The following DOK6 variants were observed in gnomAD, a reference collection of about 807,000 sequenced individuals.
DOK6 encodes the protein downstream of tyrosine kinase 6.
Under a neutral mutation model 44.0 loss-of-function variants are expected in DOK6, and 22 were observed. The observed-to-expected ratio is 0.50, with a 90% CI of 0.36 to 0.71. The LOEUF is 0.71. Ranked by LOEUF, DOK6 falls within the 30% of genes least tolerant of loss-of-function variation. The probability of loss-of-function intolerance (pLI) is 0.00; values close to 1 mark genes in which losing one functional copy is unlikely to be tolerated. For synonymous variants in DOK6, 166 were observed against 145.5 expected (o/e 1.14, Z -1.01); for missense variants, 340 against 416.4 (o/e 0.82, Z 1.60).
At chr18:69,546,225 C>T (rs1451774483) in intron 1 of DOK6, among the ~76,000 whole-genome samples, 1 of 148,436 alleles carries the variant, frequency 6.7e-6, no homozygotes, top group Non-Finnish European at 1.5e-5. Context: ...TGCGGTGACC[C>T]GAGATCTCAC....
intron 7 of DOK6, among the ~76,000 whole-genome samples, chr18:69,822,818 G>C (rs1981616228): frequency 6.6e-6 from 1 of 152,106 alleles, no homozygotes; most frequent in Non-Finnish European, 1.5e-5. Context: ...ACTTTAAATT[G>C]TTATACTTGT....
At chr18:69,612,893 G>C (rs7243834) in intron 3 of DOK6, among the ~76,000 whole-genome samples, 16 of 149,744 alleles carry the variant, frequency 1.1e-4, no homozygotes, top group Non-Finnish European at 2.1e-4. Flanking sequence ...CTTTTTTTTT[G>C]CCTTTTGAGA....
intron 3 of DOK6, among the ~76,000 whole-genome samples, chr18:69,612,594 GCTTTGTTCCCCCTCACGCTGCTTAGTGT>G (rs11276637): frequency 0.43 from 65,368 of 151,680 alleles, 14,222 homozygotes; most frequent in Middle Eastern, 0.57. Context: ...AGGTTCTCCT[GCTTTGTTCCCCCTCACGCTGCTTAGTGT>G]CTTTGCTCCC....
intron 6 of DOK6, among the ~76,000 whole-genome samples, chr18:69,753,584 G>A (rs1979255003): frequency 6.6e-6 from 1 of 152,156 alleles, no homozygotes; most frequent in Non-Finnish European, 1.5e-5. Context: ...ACTGACTGCT[G>A]TTTCAAAAGA....
At chr18:69,733,883 T>G (rs1203092980) in intron 5 of DOK6, among the ~76,000 whole-genome samples, 2 of 152,186 alleles carry the variant, frequency 1.3e-5, no homozygotes, top group South Asian at 4.1e-4. Context: ...TGTTGCTAGA[T>G]GAAACAAGAG....
intron 3 of DOK6, among the ~76,000 whole-genome samples, chr18:69,607,554 C>T (rs9973197): frequency 0.39 from 58,505 of 151,678 alleles, 11,230 homozygotes; most frequent in Middle Eastern, 0.54. Context: ...AAATATAAAC[C>T]TCTCCCATGT....
rs1484371239 is a variant in DOK6, at chr18:69,449,785, C to T, written c.66+48475C>T. 4.6e-5 allele frequency among the ~76,000 whole-genome samples: 7 copies of T among 151,540 alleles called. 1 individual carries two copies. The South Asian group carries it at 8.4e-4, about 18-fold the overall frequency. ...CCGAGCAGCCTAACTGGGAGGCACC[C>T]CCCAGCAGGGGCACACTGACACCTC... On this transcript the variant is annotated intron_variant, in intron 1 of 7. Coordinates refer to ENST00000382713, the MANE Select transcript of DOK6 (RefSeq NM_152721.6).
chr18:69,584,702 G>A (rs893978796), intron 2 of DOK6, among the ~76,000 whole-genome samples: 1 of 151,682 alleles, frequency 6.6e-6, no homozygotes, highest in African/African-American at 2.4e-5. Context: ...TCCCCTAAAT[G>A]TTTGGTAAAT....
At chr18:69,814,984 AT>A (rs1264750245) in intron 7 of DOK6, among the ~76,000 whole-genome samples, 1 of 151,886 alleles carries the variant, frequency 6.6e-6, no homozygotes, top group African/African-American at 2.4e-5. Context: ...CTTCTCTGAT[AT>A]TTTTTTTCTG....
rs561930883 is a variant in DOK6 at position 69,674,368 on chromosome 18, A to T, written c.290-3366A>T. Among the ~76,000 whole-genome samples, 8 of 152,292 alleles carry T rather than the reference A, an allele frequency of 5.3e-5. No homozygotes were observed. In the South Asian group the frequency reaches 1.7e-3, roughly 32 times the overall value. Reference sequence around the variant, plus strand: ...GATCTTATTGAGCCAAATACTAGAAAATCATGAAAAGAATGAACTGATACT... The same window carrying T: ...GATCTTATTGAGCCAAATACTAGAATATCATGAAAAGAATGAACTGATACT... On this transcript the variant is annotated intron_variant, in intron 3 of 7. Coordinates refer to ENST00000382713, the MANE Select transcript of DOK6 (RefSeq NM_152721.6).
At chr18:69,446,973 G>A (rs982490679) in intron 1 of DOK6, among the ~76,000 whole-genome samples, 1 of 152,138 alleles carries the variant, frequency 6.6e-6, no homozygotes, top group Non-Finnish European at 1.5e-5. Context: ...TGTCAGACGG[G>A]TAGATTGCAA....
chr18:69,447,260 G>T (rs140967564), intron 1 of DOK6, among the ~76,000 whole-genome samples: 13,555 of 152,050 alleles, frequency 0.089, 1,511 homozygotes, highest in East Asian at 0.31. Context: ...TCCAATTTCA[G>T]CTTTCTACAT....
At chr18:69,434,826 G>T (rs1194308359) in intron 1 of DOK6, among the ~76,000 whole-genome samples, 3 of 151,680 alleles carry the variant, frequency 2.0e-5, no homozygotes, top group African/African-American at 7.3e-5. Context: ...GGAGGCTGAG[G>T]CAGGAGAATC....
chr18:69,401,649 C>T (rs921444701), intron 1 of DOK6, among the ~76,000 whole-genome samples: 4 of 152,022 alleles, frequency 2.6e-5, no homozygotes, highest in Admixed American at 6.5e-5. Context: ...CCACGATGGT[C>T]TGTTCTCAAA....
chr18:69,743,756 C>T (rs371229147), intron 6 of DOK6, among the ~76,000 whole-genome samples: 1 of 149,562 alleles, frequency 6.7e-6, no homozygotes, highest in African/African-American at 2.5e-5. Flanking sequence ...AATCTTCTAA[C>T]ATTGCAAGTA....
In DOK6 at chr18:69,843,695, T is replaced by A. The variant is rs1381149580; in HGVS notation, c.*2312T>A. The A allele has an allele frequency of 6.6e-6, 1 of 152,208 alleles. No individual in the cohort carries two copies. The highest frequency in any genetic ancestry group is 2.4e-5 in the African/African-American group (1 of 41,448). The allele number at this position is 152,208 out of a possible 1,614,324, so 9.4% of individuals were successfully genotyped here. A position where few individuals can be genotyped will look rare whatever the true frequency, so the allele number is the denominator to read the frequency against. Reference sequence around the variant, plus strand: ...TGGTTCTGATCATTACCAATGAATATAACTGAAGGAGCACCAAAGATCAGG... The same window carrying A: ...TGGTTCTGATCATTACCAATGAATAAAACTGAAGGAGCACCAAAGATCAGG... On this transcript the variant is annotated 3_prime_UTR_variant, in exon 8 of 8. Coordinates refer to ENST00000382713, the MANE Select transcript of DOK6 (RefSeq NM_152721.6).
intron 1 of DOK6, among the ~76,000 whole-genome samples, chr18:69,431,089 C>T (rs982164180): frequency 6.6e-6 from 1 of 152,170 alleles, no homozygotes. Context: ...ATGAAGGACA[C>T]TGCACAGCAG....
chr18:69,427,561 C>T (rs1978675656), intron 1 of DOK6, among the ~76,000 whole-genome samples: 1 of 152,144 alleles, frequency 6.6e-6, no homozygotes, highest in Admixed American at 6.5e-5. Flanking sequence ...TCCTCAAAGA[C>T]CTAAAGACAG....
At chr18:69,787,831 T>C (rs1405666613) in intron 7 of DOK6, among the ~76,000 whole-genome samples, 2 of 152,230 alleles carry the variant, frequency 1.3e-5, no homozygotes, top group African/African-American at 4.8e-5. Flanking sequence ...ACTATCTTTA[T>C]TGTCATACTT....
Sources: allele counts gnomAD v4.1 joint callset (sites outside exome capture counted in the v4.1 genomes callset), GRCh38; gene constraint gnomAD v4.1.1; transcripts MANE v1.5; gene names NCBI Gene and HGNC (gene_info 2026-07-23, HGNC 2026-07-21).